Variants in SERPINA1 observed in about 807,000 individuals in gnomAD.
The protein encoded by SERPINA1 is serpin family A member 1.
SERPINA1 carries 21 observed loss-of-function variants against 25.4 expected under a neutral mutation model. The ratio of observed to expected loss-of-function variants is 0.83; its 90% confidence interval spans 0.59 to 1.19. The LOEUF (loss-of-function observed/expected upper bound fraction) is 1.19. Ranked by LOEUF, SERPINA1 falls within the 50% of genes most tolerant of loss-of-function variation. The pLI, the probability that SERPINA1 is intolerant of heterozygous loss-of-function variation, is 0.00. For synonymous variants in SERPINA1, 218 were observed against 211.1 expected, an observed-to-expected ratio of 1.03 and a Z score of -0.29; for missense variants, 546 against 509.0, an observed-to-expected ratio of 1.07 and a Z score of -0.70.
intron 2 of SERPINA1, 34 bp from the exon 3 acceptor site, chr14:94,381,175 T>C (rs780080870): frequency 1.3e-5 from 21 of 1,603,054 alleles, no homozygotes; most frequent in Non-Finnish European, 1.8e-5. Context: ...TCACCAGGGG[T>C]GAGTGAAGGT....
chr14:94,388,378 A>G (rs953289585), intron 1 of SERPINA1, among the ~76,000 whole-genome samples, 182 bp downstream of exon 1: 6 of 151,896 alleles, frequency 4.0e-5, no homozygotes, highest in African/African-American at 1.5e-4. Flanking sequence ...ACAGGACACA[A>G]CCCTCATGGC....
intron 2 of SERPINA1, among the ~76,000 whole-genome samples, chr14:94,382,129 G>A (rs990505037): frequency 5.9e-5 from 9 of 152,240 alleles, no homozygotes; most frequent in African/African-American, 1.9e-4. Flanking sequence ...TGAGAAATTA[G>A]CACCTCAAAG....
In SERPINA1 at chr14:94,381,048, C is replaced by A. The variant is rs544632177; in HGVS notation, c.740G>T (p.Arg247Leu). 6.2e-7 allele frequency: 1 copy of A among 1,614,038 alleles called. No individual in the cohort carries two copies. Among genetic ancestry groups the A allele is most frequent in the Non-Finnish European group, 8.5e-7 (1 of 1,180,018 alleles). Reference protein sequence around the residue: ...VTTVKVPMMKRLGMFNIQHCK... With the variant: ...VTTVKVPMMKLLGMFNIQHCK... The stretch of plus-strand genomic sequence containing the variant: ...GTGCTGGATGTTAAACATGCCTAAA[C>A]GCTTCATCATAGGCACCTTCACGGT... Residue 247 changes from arginine (R) to leucine (L), a missense_variant, in exon 3 of 5, where the codon CGT becomes CTT. Arg to Leu is a moderately radical substitution (Grantham distance 102). Transcript: ENST00000393087.
At position 94,382,686 on chromosome 14, in the gene SERPINA1, G is replaced by A. The variant is rs199422210; in HGVS notation, c.552C>T (p.Tyr184=). 1.0e-4 allele frequency: 166 copies of A among 1,614,084 alleles called. No individual in the cohort carries two copies. Among genetic ancestry groups the A allele is most frequent in the Admixed American group, 1.7e-4 (10 of 60,008 alleles). The change falls in exon 2 of 5, where the codon TAC becomes TAT. Residue 184 remains tyrosine, a synonymous_variant. Coordinates refer to ENST00000393087, the MANE Select transcript of SERPINA1 (RefSeq NM_000295.5). ...TTTTCCCTTGAGTACCCTTCTCCAC[G>A]TAATCGTTGATCTGTTTCTTGGCCT... is the stretch of plus-strand genomic sequence containing the variant. ...TEEAKKQIND[Y]VEKGTQGKIV... is the part of the protein sequence containing the mutation.
At chr14:94,380,619 G>C in intron 3 of SERPINA1, 1 of 563,482 alleles carries the variant, frequency 1.8e-6, no homozygotes, top group Non-Finnish European at 3.2e-6. Context: ...GTCCACACTG[G>C]AGTGGGAAGT....
chr14:94,383,837 G>A (rs367708105), intron 1 of SERPINA1, among the ~76,000 whole-genome samples: 1 of 152,364 alleles, frequency 6.6e-6, no homozygotes, highest in East Asian at 1.9e-4. Flanking sequence ...CTGCACAGAA[G>A]GGAAATGCAT....
Position 94,383,033 on chromosome 14 carries a change from ACTG to A in SERPINA1, c.202_204del (p.Gln68del). The A allele has an allele frequency of 6.2e-7, 1 of 1,612,578 alleles. No individual in the cohort carries two copies. On this transcript the variant is annotated inframe_deletion, in exon 2 of 5. Coordinates refer to ENST00000393087, the MANE Select transcript of SERPINA1 (RefSeq NM_000295.5). ...GAGAAGAAGATATTGGTGCTGTTGG[ACTG>A]GTGTGCCAGCTGGCGGTATAGGCTG...
In SERPINA1 at chr14:94,382,736, T is replaced by C. The variant is rs747053324; in HGVS notation, c.502A>G (p.Thr168Ala). 9.9e-6 allele frequency: 16 copies of C among 1,614,144 alleles called. No individual in the cohort carries two copies. The Admixed American group carries it at 2.7e-4, about 27-fold the overall frequency. The change falls in exon 2 of 5, where the codon ACT becomes GCT. Residue 168 changes from threonine to alanine, a missense_variant. Physicochemically the swap from Thr to Ala is moderately conservative, Grantham distance 58 (BLOSUM62 0). Coordinates refer to ENST00000393087, the MANE Select transcript of SERPINA1 (RefSeq NM_000295.5). ...VKKLYHSEAF[T>A]VNFGDTEEAK... ...TCTTCGGTGTCCCCGAAGTTGACAG[T>C]GAAGGCTTCTGAGTGGTACAACTTT...
chr14:94,380,494 C>T (rs1467592903), intron 3 of SERPINA1, among the ~76,000 whole-genome samples: 1 of 152,230 alleles, frequency 6.6e-6, no homozygotes, highest in African/African-American at 2.4e-5. Flanking sequence ...CCCTTGAACT[C>T]CACACTCCAC....
chr14:94,383,310 T>G, intron 1 of SERPINA1, 69 bp from the exon 2 acceptor site: 3 of 1,525,740 alleles, frequency 2.0e-6, no homozygotes, highest in Non-Finnish European at 2.7e-6. Context: ...GATCAGGGAT[T>G]GACACCACGT....
At chr14:94,381,981 C>T (rs1447713361) in intron 2 of SERPINA1, among the ~76,000 whole-genome samples, 2 of 152,196 alleles carry the variant, frequency 1.3e-5, no homozygotes, top group African/African-American at 4.8e-5. Flanking sequence ...ATTTTAACCC[C>T]TCAGGGGCAG....
At chr14:94,386,410 T>G (rs1292254509) in intron 1 of SERPINA1, among the ~76,000 whole-genome samples, 1 of 152,152 alleles carries the variant, frequency 6.6e-6, no homozygotes, top group East Asian at 1.9e-4. Flanking sequence ...GAAGAGAATC[T>G]CGCCTATGGT....
At chr14:94,386,809 G>T (rs1051758505) in intron 1 of SERPINA1, among the ~76,000 whole-genome samples, 2 of 152,144 alleles carry the variant, frequency 1.3e-5, no homozygotes, top group Admixed American at 6.5e-5. Context: ...CTAACCCTAT[G>T]CTAAGCAAAC....
intron 4 of SERPINA1, 33 bp from the exon 5 acceptor site, chr14:94,378,673 G>A (rs2139666544): frequency 1.9e-6 from 3 of 1,603,368 alleles, no homozygotes; most frequent in Non-Finnish European, 2.6e-6. Context: ...CACGTTGTAA[G>A]GCTGATCCCA....
intron 1 of SERPINA1, chr14:94,383,479 C>G: frequency 1.7e-6 from 1 of 579,612 alleles, no homozygotes; most frequent in South Asian, 2.2e-5. Context: ...TTTCTTGTAA[C>G]AATCCCGTGA....
intron 3 of SERPINA1, chr14:94,380,602 G>C: frequency 1.9e-6 from 1 of 532,842 alleles, no homozygotes; most frequent in Admixed American, 3.1e-5. Context: ...TATTGGGAAG[G>C]GACAGTGTCC....
Position 94,382,732 on chromosome 14 carries a change from A to T in SERPINA1, c.506T>A (p.Val169Asp). ...GGCCTCTTCGGTGTCCCCGAAGTTG[A>T]CAGTGAAGGCTTCTGAGTGGTACAA... ...KKLYHSEAFTVNFGDTEEAKK... is the reference protein window; with the variant it reads ...KKLYHSEAFTDNFGDTEEAKK... The change falls in exon 2 of 5, where the codon GTC (valine) becomes GAC (aspartate). Residue 169 changes from valine (V) to aspartate (D), a missense_variant. Transcript: ENST00000393087. 6.2e-7 allele frequency: 1 copy of T among 1,614,250 alleles called. No individual in the cohort carries two copies. Among genetic ancestry groups the T allele is most frequent in the Non-Finnish European group, 8.5e-7 (1 of 1,180,046 alleles).
intron 3 of SERPINA1, 104 bp downstream of exon 3, chr14:94,380,762 ATGTGG>A (rs1896842678): frequency 1.4e-6 from 2 of 1,382,412 alleles, no homozygotes; most frequent in Non-Finnish European, 2.1e-6. Flanking sequence ...TGACCCAGGG[ATGTGG>A]GGTTCACCCT....
At chr14:94,379,327 G>C in intron 4 of SERPINA1, 137 bp downstream of exon 4, 5 of 1,282,682 alleles carry the variant, frequency 3.9e-6, no homozygotes, top group Non-Finnish European at 5.6e-6. Context: ...AGTGAATCAC[G>C]GGCATCTTCA....
Sources: gnomAD v4.1 joint callset for allele counts (sites outside exome capture counted in the v4.1 genomes callset) on GRCh38, gnomAD v4.1.1 for gene constraint, MANE v1.5 for transcripts, NCBI Gene and HGNC (gene_info 2026-07-23, HGNC 2026-07-21) for gene names.